EMCN: variants seen among roughly 807,000 people sequenced by gnomAD.
EMCN encodes MUC-14.
Under a neutral mutation model 38.4 loss-of-function variants are expected in EMCN, and 37 were observed. The observed-to-expected ratio is 0.96, with a 90% CI of 0.74 to 1.27. The LOEUF is 1.27. Among genes scored for constraint, EMCN ranks in the 50% most tolerant of loss-of-function variants. EMCN has a pLI of 0.00. For missense variants in EMCN, 318 were observed against 302.8 expected (o/e 1.05, Z -0.37); for synonymous variants, 95 against 100.8 (o/e 0.94, Z 0.35).
chr4:100,508,162 C>T (rs555690318), intron 1 of EMCN, among the ~76,000 whole-genome samples: 2 of 152,270 alleles, frequency 1.3e-5, no homozygotes, highest in African/African-American at 4.8e-5. Flanking sequence ...AAACCACACT[C>T]ATTTTATAGA....
intron 5 of EMCN, among the ~76,000 whole-genome samples, chr4:100,430,960 T>A (rs1727179673): frequency 6.6e-6 from 1 of 152,222 alleles, no homozygotes; most frequent in African/African-American, 2.4e-5. Flanking sequence ...AGCAGGATTC[T>A]GTCATTCAAA....
chr4:100,476,239 T>C (rs918725880), intron 2 of EMCN, among the ~76,000 whole-genome samples: 2 of 142,318 alleles, frequency 1.4e-5, no homozygotes, highest in Non-Finnish European at 3.1e-5. Context: ...CCTTCCTTCT[T>C]TCTTTCCTTC....
At chr4:100,498,585 G>T (rs965050188) in intron 1 of EMCN, among the ~76,000 whole-genome samples, 1 of 151,798 alleles carries the variant, frequency 6.6e-6, no homozygotes, top group African/African-American at 2.4e-5. Flanking sequence ...GGGTTCAAGC[G>T]ATTCTCCTGC....
At chr4:100,494,338 T>C (rs1015787944) in intron 1 of EMCN, among the ~76,000 whole-genome samples, 1 of 152,164 alleles carries the variant, frequency 6.6e-6, no homozygotes, top group African/African-American at 2.4e-5. Context: ...GGAATGAGCC[T>C]ACACTGAACA....
At chr4:100,467,483 C>T (rs1221139227) in intron 3 of EMCN, among the ~76,000 whole-genome samples, 1 of 151,718 alleles carries the variant, frequency 6.6e-6, no homozygotes, top group African/African-American at 2.4e-5. Context: ...TCGAGACCAT[C>T]CTGGCTAACA....
At chr4:100,418,296 T>A (rs935452263) in intron 8 of EMCN, among the ~76,000 whole-genome samples, 1 of 152,284 alleles carries the variant, frequency 6.6e-6, no homozygotes, top group Admixed American at 6.5e-5. Context: ...GATGTAGATA[T>A]TTATGGGGTA....
At chr4:100,448,690 T>A (rs543360688) in intron 4 of EMCN, among the ~76,000 whole-genome samples, 1 of 152,164 alleles carries the variant, frequency 6.6e-6, no homozygotes, top group South Asian at 2.1e-4. Context: ...TGGCTCCCTA[T>A]TGCTCCTCAA....
rs578174402 is a variant in EMCN, at chr4:100,411,678, C to A, written c.752-1323G>T. Among the ~76,000 whole-genome samples, 3 of 152,018 alleles carry A rather than the reference C, an allele frequency of 2.0e-5. No individual in the cohort carries two copies. In the South Asian group the frequency reaches 6.2e-4, roughly 32 times the overall value. On this transcript the variant is annotated intron_variant, in intron 10 of 11. Transcript: ENST00000296420. The stretch of plus-strand genomic sequence containing the variant: ...GTAGTTTTAAATTCTTTTTTATTCT[C>A]TATTTTTTTCTATTTTTCATTATGC...
intron 2 of EMCN, among the ~76,000 whole-genome samples, chr4:100,477,232 G>A (rs1019033037): frequency 1.3e-5 from 2 of 151,738 alleles, no homozygotes; most frequent in Admixed American, 1.3e-4. Flanking sequence ...TTTTTAAAAT[G>A]AAGCTGAATA....
At chr4:100,460,085 T>G (rs571239866) in intron 4 of EMCN, among the ~76,000 whole-genome samples, 134 of 152,306 alleles carry the variant, frequency 8.8e-4, no homozygotes, top group Admixed American at 1.8e-3. Flanking sequence ...TTGACAGCAC[T>G]TTTTATCTCT....
At chr4:100,420,731 G>A in intron 8 of EMCN, among the ~76,000 whole-genome samples, 1 of 151,990 alleles carries the variant, frequency 6.6e-6, no homozygotes, top group East Asian at 1.9e-4. Context: ...ACTAGGTATG[G>A]TGACTCACTG....
chr4:100,468,448 G>A (rs1560628020), intron 3 of EMCN, among the ~76,000 whole-genome samples: 1 of 152,122 alleles, frequency 6.6e-6, no homozygotes, highest in Non-Finnish European at 1.5e-5. Context: ...TTTATAGGGA[G>A]GGAGATTGGC....
Position 100,445,951 on chromosome 4 carries a change from C to T in EMCN, c.415+1582G>A, listed in dbSNP as rs184990977. ...CTTAGGAAAATTAGTTTACATAACT[C>T]GAAAAATAAAAATAGCCTAAATGAG... is the stretch of plus-strand genomic sequence containing the variant. On this transcript the variant is annotated intron_variant, in intron 5 of 11. Coordinates refer to ENST00000296420, the MANE Select transcript of EMCN (RefSeq NM_016242.4). 2,566 of 578,198 alleles carry T rather than the reference C, an allele frequency of 4.4e-3. 12 individuals carry two copies. The highest frequency in any genetic ancestry group is 5.1e-3 in the Non-Finnish European group (2,330 of 458,044). The allele number at this position is 578,198 out of a possible 1,614,324, so 35.8% of individuals were successfully genotyped here.
intron 3 of EMCN, among the ~76,000 whole-genome samples, chr4:100,474,404 G>C (rs1231834887): frequency 6.6e-6 from 1 of 152,166 alleles, no homozygotes; most frequent in Non-Finnish European, 1.5e-5. Flanking sequence ...TATGTTGCTG[G>C]TGGAAATGTA....
intron 5 of EMCN, among the ~76,000 whole-genome samples, chr4:100,434,252 C>A (rs1278781250): frequency 2.0e-5 from 3 of 151,760 alleles, no homozygotes; most frequent in Admixed American, 6.6e-5. Context: ...CCTCTGTGCA[C>A]ATAAGCTAGA....
intron 1 of EMCN, among the ~76,000 whole-genome samples, chr4:100,516,371 G>C (rs1407361604): frequency 6.6e-6 from 1 of 151,796 alleles, no homozygotes; most frequent in Non-Finnish European, 1.5e-5. Flanking sequence ...TATTGCACTC[G>C]TCGATGCTTG....
chr4:100,423,029 G>C lies in EMCN; in HGVS notation c.560C>G (p.Ser187Cys). 1 of 1,612,912 alleles carries C rather than the reference G, an allele frequency of 6.2e-7. No individual in the cohort carries two copies. Among genetic ancestry groups the C allele is most frequent in the South Asian group, 1.1e-5 (1 of 91,050 alleles). The change falls in exon 7 of 12, where the codon TCT (serine) becomes TGT (cysteine). Residue 187 changes from serine to cysteine, a missense_variant. Coordinates refer to ENST00000296420, the MANE Select transcript of EMCN (RefSeq NM_016242.4). ...GCATTGCTGTTACTCACTGGAATAA[G>C]ACCGGCTGGTTGCTGAAGTGCTTGC... The part of the protein sequence containing the change: ...KNASTSATSR[S>C]YSSIILPVVI...
intron 4 of EMCN, among the ~76,000 whole-genome samples, chr4:100,453,523 C>G (rs1727910607): frequency 6.6e-6 from 1 of 152,158 alleles, no homozygotes; most frequent in African/African-American, 2.4e-5. Context: ...CAGGAAACAA[C>G]AGGTGCTGGA....
At chr4:100,444,241 G>C (rs899737031) in intron 5 of EMCN, among the ~76,000 whole-genome samples, 1 of 152,308 alleles carries the variant, frequency 6.6e-6, no homozygotes, top group South Asian at 2.1e-4. Flanking sequence ...GGGATGTGTT[G>C]TGCCACATCT....
Sources: allele counts gnomAD v4.1 joint callset (sites outside exome capture counted in the v4.1 genomes callset), GRCh38; gene constraint gnomAD v4.1.1; transcripts MANE v1.5; gene names NCBI Gene and HGNC (gene_info 2026-07-23, HGNC 2026-07-21).